Variants in NRXN3 observed in about 807,000 individuals in gnomAD.
The protein encoded by NRXN3 is neurexin III.
A neutral mutation model predicts 137.6 loss-of-function variants in NRXN3; 32 were observed. That is an observed-to-expected ratio of 0.23 (90% CI 0.18 to 0.31). The LOEUF (loss-of-function observed/expected upper bound fraction) is 0.31. Ranked by LOEUF, NRXN3 falls within the 10% of genes least tolerant of loss-of-function variation. The pLI is 1.00. For synonymous variants in NRXN3, 798 were observed against 784.5 expected, an observed-to-expected ratio of 1.02 and a Z score of -0.29; for missense variants, 1,574 against 2,062.5, an observed-to-expected ratio of 0.76 and a Z score of 4.59.
chr14:79,693,177 G>T (rs1052735951), intron 18 of NRXN3, among the ~76,000 whole-genome samples: 2 of 151,782 alleles, frequency 1.3e-5, no homozygotes, highest in Non-Finnish European at 2.9e-5. Context: ...CGTATTCTTT[G>T]TTGTTGTTGT....
intron 10 of NRXN3, among the ~76,000 whole-genome samples, chr14:78,925,616 A>G (rs1177495018): frequency 1.3e-5 from 2 of 152,176 alleles, no homozygotes; most frequent in Non-Finnish European, 2.9e-5. Context: ...TAGTTGACAA[A>G]GGGGCTTGGT....
chr14:78,676,715 A>G lies in NRXN3; in HGVS notation c.1221+25389A>G, dbSNP rs557125779. On this transcript the variant is annotated intron_variant, in intron 6 of 20. Transcript: ENST00000335750. ...CCTTCTATTGGATAAGAAACCATCT[A>G]GGACTTTCATAGCTGGAGAGGGAAA... 2.0e-5 allele frequency among the ~76,000 whole-genome samples: 3 copies of G among 152,282 alleles called. No homozygotes were observed. The South Asian group carries it at 6.2e-4, about 32-fold the overall frequency.
At chr14:78,733,252 C>G (rs2098525270) in intron 8 of NRXN3, among the ~76,000 whole-genome samples, 1 of 151,486 alleles carries the variant, frequency 6.6e-6, no homozygotes, top group Admixed American at 6.6e-5. Flanking sequence ...ACGTGCTCAA[C>G]ACATTGTTGT....
At chr14:79,419,302 AG>A (rs973410621) in intron 15 of NRXN3, among the ~76,000 whole-genome samples, 1 of 152,190 alleles carries the variant, frequency 6.6e-6, no homozygotes, top group African/African-American at 2.4e-5. Context: ...AAGATTCAAA[AG>A]AAGCTCAATA....
intron 16 of NRXN3, among the ~76,000 whole-genome samples, chr14:79,495,427 A>T (rs747872906): frequency 1.3e-5 from 2 of 150,390 alleles, no homozygotes; most frequent in Non-Finnish European, 3.0e-5. Context: ...TTCTTTCTAC[A>T]TTTTTTTTTT....
chr14:78,374,035 T>C (rs781405393), intron 4 of NRXN3, among the ~76,000 whole-genome samples: 2 of 152,206 alleles, frequency 1.3e-5, no homozygotes, highest in Non-Finnish European at 1.5e-5. Flanking sequence ...TGGAATCCCA[T>C]GTAGGCATAA....
At chr14:79,768,474 C>T (rs1020575646) in intron 19 of NRXN3, among the ~76,000 whole-genome samples, 11 of 152,276 alleles carry the variant, frequency 7.2e-5, no homozygotes, top group East Asian at 3.9e-4. Flanking sequence ...CCCTGACCCC[C>T]GAGCAGCCTA....
At chr14:79,664,266 T>C (rs2153987279) in intron 17 of NRXN3, among the ~76,000 whole-genome samples, 1 of 152,206 alleles carries the variant, frequency 6.6e-6, no homozygotes, top group South Asian at 2.1e-4. Context: ...AAGGATCATC[T>C]CTATCATGAG....
chr14:78,590,775 T>C (rs964978983), intron 4 of NRXN3, among the ~76,000 whole-genome samples: 1 of 152,020 alleles, frequency 6.6e-6, no homozygotes, highest in Non-Finnish European at 1.5e-5. Flanking sequence ...ATTAGCTGGG[T>C]GTGGTGGCAC....
intron 10 of NRXN3, among the ~76,000 whole-genome samples, chr14:78,816,257 A>G (rs1488039620): frequency 6.6e-6 from 1 of 152,072 alleles, no homozygotes; most frequent in African/African-American, 2.4e-5. Context: ...AATTCTTCCC[A>G]CTCATCGTAT....
chr14:79,624,680 T>C (rs1222111046), intron 16 of NRXN3, among the ~76,000 whole-genome samples: 2 of 152,142 alleles, frequency 1.3e-5, no homozygotes, highest in African/African-American at 4.8e-5. Flanking sequence ...CCATCTCCTC[T>C]TCCACTGCAT....
rs547301993 is a variant in NRXN3 at position 79,273,893 on chromosome 14, G to A, written c.3263-193328G>A. On this transcript the variant is annotated intron_variant, in intron 15 of 20. Transcript: ENST00000335750. Reference sequence around the variant, plus strand: ...GGGCAGATCACGAGGTCAGGAGTTCGAGACCAGCCTGGCCAACATGGTGAA... The same window carrying A: ...GGGCAGATCACGAGGTCAGGAGTTCAAGACCAGCCTGGCCAACATGGTGAA... Among the ~76,000 whole-genome samples, 81 of 151,726 alleles carry A rather than the reference G, an allele frequency of 5.3e-4. 1 individual carries two copies. Among genetic ancestry groups the A allele is most frequent in the Non-Finnish European group, 2.1e-4 (14 of 67,920 alleles).
chr14:78,992,782 T>C (rs890587333), intron 15 of NRXN3, among the ~76,000 whole-genome samples: 4 of 152,190 alleles, frequency 2.6e-5, no homozygotes, highest in African/African-American at 9.6e-5. Flanking sequence ...TTGAGTGGCA[T>C]ACAATTTGGG....
chr14:78,521,972 G>C (rs2096290240), intron 4 of NRXN3, among the ~76,000 whole-genome samples: 1 of 152,118 alleles, frequency 6.6e-6, no homozygotes. Context: ...GAAGGAATAG[G>C]TAAGAGATGA....
intron 4 of NRXN3, among the ~76,000 whole-genome samples, chr14:78,460,253 T>C (rs1297005193): frequency 6.6e-6 from 1 of 152,204 alleles, no homozygotes; most frequent in African/African-American, 2.4e-5. Flanking sequence ...GAACCCTGTC[T>C]TTTGGGGTTT....
At chr14:78,544,655 C>T (rs779949966) in intron 4 of NRXN3, among the ~76,000 whole-genome samples, 1 of 152,304 alleles carries the variant, frequency 6.6e-6, no homozygotes, top group Non-Finnish European at 1.5e-5. Flanking sequence ...AGTTAATAGA[C>T]TGAAATGTAT....
Position 79,483,633 on chromosome 14 carries a change from T to C in NRXN3, c.3444+16231T>C, listed in dbSNP as rs146228070. ...GCTGATATTGTCACATTGTGAGTCA[T>C]AGTGACTCCCAAGGATGTATTTGTG... On this transcript the variant is annotated intron_variant, in intron 16 of 20. Transcript: ENST00000335750. Among the ~76,000 whole-genome samples the C allele has an allele frequency of 1.2e-3, 179 of 152,312 alleles. 1 individual carries two copies. The highest frequency in any genetic ancestry group is 4.1e-3 in the African/African-American group (170 of 41,576).
chr14:78,814,564 G>C (rs2153107027), intron 10 of NRXN3, among the ~76,000 whole-genome samples: 1 of 152,298 alleles, frequency 6.6e-6, no homozygotes, highest in Non-Finnish European at 1.5e-5. Context: ...GCAGTGTGCT[G>C]AGATTGTGCC....
chr14:79,539,904 C>T (rs10134135), intron 16 of NRXN3, among the ~76,000 whole-genome samples: 130,234 of 152,146 alleles, frequency 0.86, 56,430 homozygotes, highest in South Asian at 0.95. Flanking sequence ...CCAGGTATTC[C>T]TCTTTACCTC....
Sources: gnomAD v4.1 joint callset for allele counts (sites outside exome capture counted in the v4.1 genomes callset) on GRCh38, gnomAD v4.1.1 for gene constraint, MANE v1.5 for transcripts, NCBI Gene and HGNC (gene_info 2026-07-23, HGNC 2026-07-21) for gene names.